Variants in PLPPR1 observed in about 807,000 individuals in gnomAD.
PLPPR1 encodes the protein phospholipid phosphatase-related protein type 1.
In PLPPR1, 10 loss-of-function variants were observed where a neutral mutation model predicts 33.1. That is an observed-to-expected ratio of 0.30 (90% CI 0.19 to 0.51). The LOEUF (loss-of-function observed/expected upper bound fraction) is 0.51. Among genes scored for constraint, PLPPR1 ranks in the 20% least tolerant of loss-of-function variants. The probability of loss-of-function intolerance (pLI) is 0.97; values close to 1 mark genes in which losing one functional copy is unlikely to be tolerated. For synonymous variants in PLPPR1, 151 were observed against 151.0 expected, an observed-to-expected ratio of 1.00 and a Z score of 0.00; for missense variants, 304 against 408.1, an observed-to-expected ratio of 0.74 and a Z score of 2.20.
intron 1 of PLPPR1, among the ~76,000 whole-genome samples, chr9:101,038,310 T>G (rs946982718): frequency 6.6e-6 from 1 of 152,180 alleles, no homozygotes; most frequent in African/African-American, 2.4e-5. Context: ...CTTAGGGTCC[T>G]TTGGCCATCA....
chr9:101,242,210 T>C (rs1015095878), intron 2 of PLPPR1, among the ~76,000 whole-genome samples: 5 of 151,854 alleles, frequency 3.3e-5, no homozygotes, highest in Non-Finnish European at 5.9e-5. Flanking sequence ...AGAAGAGACA[T>C]TCCAAGAGAC....
chr9:101,319,045 TATAAAAG>T (rs1358858163), intron 7 of PLPPR1, among the ~76,000 whole-genome samples: 8 of 152,120 alleles, frequency 5.3e-5, no homozygotes, highest in African/African-American at 1.7e-4. Context: ...TTATAGAAGA[TATAAAAG>T]ATAAATCACT....
At chr9:101,150,299 A>G (rs181684653) in intron 1 of PLPPR1, among the ~76,000 whole-genome samples, 63 of 151,868 alleles carry the variant, frequency 4.1e-4, no homozygotes, top group Non-Finnish European at 7.7e-4. Context: ...TCTTAATCCA[A>G]TTTTTCTTCT....
chr9:101,134,946 C>T lies in PLPPR1; in HGVS notation c.-45-50504C>T, dbSNP rs73656152. ...GGGCAACAGAGGACCTGCAGAGAGTCGAGCTTATGGCTCAACTCACACCCT... is the reference window on the plus strand; with the variant it reads ...GGGCAACAGAGGACCTGCAGAGAGTTGAGCTTATGGCTCAACTCACACCCT... On this transcript the variant is annotated intron_variant, in intron 1 of 7. Transcript: ENST00000374874. Among the ~76,000 whole-genome samples, 852 of 152,120 alleles carry T rather than the reference C, an allele frequency of 5.6e-3. 8 individuals are homozygous for T. Among genetic ancestry groups the T allele is most frequent in the African/African-American group, 0.019 (793 of 41,508 alleles).
intron 1 of PLPPR1, among the ~76,000 whole-genome samples, chr9:101,153,185 A>G (rs75113765): frequency 0.52 from 78,809 of 151,964 alleles, 20,838 homozygotes; most frequent in African/African-American, 0.61. Flanking sequence ...TTCACTCATG[A>G]TTTGGCTCTC....
intron 1 of PLPPR1, among the ~76,000 whole-genome samples, chr9:101,067,346 G>A (rs996405871): frequency 8.6e-5 from 13 of 151,930 alleles, no homozygotes; most frequent in African/African-American, 2.9e-4. Context: ...GAGGAAGTAC[G>A]GTCAATCAGA....
chr9:101,201,619 A>G (rs1475753842), intron 2 of PLPPR1, among the ~76,000 whole-genome samples: 1 of 152,188 alleles, frequency 6.6e-6, no homozygotes, highest in Non-Finnish European at 1.5e-5. Context: ...AGAGTTAAAT[A>G]GAGTTTTTAA....
At position 101,227,392 on chromosome 9, in the gene PLPPR1, C is replaced by T. The variant is rs960114647; in HGVS notation, c.63+41835C>T. Among the ~76,000 whole-genome samples the T allele has an allele frequency of 1.5e-4, 23 of 152,270 alleles. 1 individual carries two copies. The highest frequency in any genetic ancestry group is 6.8e-3 in the Middle Eastern group (2 of 294). ...CTCATTGTGGTTTTGATTTGCATTT[C>T]TAATGATGAGTGATGTTGAACGTTT... is the stretch of plus-strand genomic sequence containing the variant. On this transcript the variant is annotated intron_variant, in intron 2 of 7. Transcript: ENST00000374874.
intron 1 of PLPPR1, among the ~76,000 whole-genome samples, chr9:101,098,971 T>A (rs1209401021): frequency 6.6e-6 from 1 of 152,110 alleles, no homozygotes; most frequent in African/African-American, 2.4e-5. Context: ...AAGGACAGGC[T>A]CTGGAGTTGC....
intron 1 of PLPPR1, among the ~76,000 whole-genome samples, chr9:101,120,644 G>A (rs1358611237): frequency 6.6e-6 from 1 of 152,156 alleles, no homozygotes; most frequent in Non-Finnish European, 1.5e-5. Context: ...GCTAAACAAT[G>A]GAGATGATTA....
At chr9:101,036,075 AT>A (rs1189144922) in intron 1 of PLPPR1, among the ~76,000 whole-genome samples, 2 of 152,106 alleles carry the variant, frequency 1.3e-5, no homozygotes, top group African/African-American at 2.4e-5. Context: ...TTGCATTACG[AT>A]TTTTTTAAAT....
chr9:101,184,264 G>C (rs1588062339), intron 1 of PLPPR1, among the ~76,000 whole-genome samples: 1 of 151,878 alleles, frequency 6.6e-6, no homozygotes, highest in Admixed American at 6.6e-5. Flanking sequence ...GATTTATAAA[G>C]CACATAATAT....
intron 1 of PLPPR1, among the ~76,000 whole-genome samples, chr9:101,033,210 A>G (rs1829967193): frequency 6.6e-6 from 1 of 152,200 alleles, no homozygotes; most frequent in Admixed American, 6.5e-5. Context: ...GAATGGGGAA[A>G]AAACATAGTC....
At chr9:101,230,164 A>G (rs1827151249) in intron 2 of PLPPR1, among the ~76,000 whole-genome samples, 1 of 152,170 alleles carries the variant, frequency 6.6e-6, no homozygotes, top group Admixed American at 6.6e-5. Flanking sequence ...TCTCATTTCA[A>G]ACCATTCCAG....
At chr9:101,135,218 C>T (rs1831364048) in intron 1 of PLPPR1, among the ~76,000 whole-genome samples, 1 of 152,256 alleles carries the variant, frequency 6.6e-6, no homozygotes, top group African/African-American at 2.4e-5. Context: ...TCTATCCACA[C>T]CATATTCCCT....
At chr9:101,171,546 A>G (rs758908408) in intron 1 of PLPPR1, among the ~76,000 whole-genome samples, 5 of 152,136 alleles carry the variant, frequency 3.3e-5, no homozygotes, top group Non-Finnish European at 7.4e-5. Flanking sequence ...GGCAGTGCCA[A>G]TGCCACCCTC....
intron 1 of PLPPR1, among the ~76,000 whole-genome samples, chr9:101,112,236 ATAT>A (rs1297753031): frequency 6.6e-6 from 1 of 152,194 alleles, no homozygotes; most frequent in Non-Finnish European, 1.5e-5. Context: ...TGTCATTTCT[ATAT>A]TGTTTTATGA....
At chr9:101,176,205 T>A (rs1826017099) in intron 1 of PLPPR1, among the ~76,000 whole-genome samples, 1 of 152,122 alleles carries the variant, frequency 6.6e-6, no homozygotes, top group Admixed American at 6.6e-5. Context: ...CAGAAAAAAC[T>A]GAGGCCCCAC....
At chr9:101,148,328 T>C (rs1831545194) in intron 1 of PLPPR1, among the ~76,000 whole-genome samples, 1 of 152,170 alleles carries the variant, frequency 6.6e-6, no homozygotes, top group African/African-American at 2.4e-5. Context: ...TGCCTTGCAA[T>C]GAAACTACAT....
Sources: gnomAD v4.1 joint callset for allele counts (sites outside exome capture counted in the v4.1 genomes callset) on GRCh38, gnomAD v4.1.1 for gene constraint, MANE v1.5 for transcripts, NCBI Gene and HGNC (gene_info 2026-07-23, HGNC 2026-07-21) for gene names.